Variants in CHST9 observed in about 807,000 individuals in gnomAD.
CHST9 encodes the protein GalNAc-4-sulfotransferase 2.
CHST9 carries 41 observed loss-of-function variants against 44.4 expected under a neutral mutation model. The observed-to-expected ratio is 0.92, with a 90% CI of 0.72 to 1.20. CHST9 has a LOEUF of 1.20. CHST9 is among the 50% of genes most tolerant of loss of function. CHST9 has a pLI of 0.00. For missense variants in CHST9, 504 were observed against 516.5 expected, an observed-to-expected ratio of 0.98 and a Z score of 0.23; for synonymous variants, 171 against 178.4, an observed-to-expected ratio of 0.96 and a Z score of 0.33.
intron 3 of CHST9, among the ~76,000 whole-genome samples, chr18:27,032,945 G>A (rs2057356267): frequency 6.6e-6 from 1 of 152,102 alleles, no homozygotes; most frequent in Admixed American, 6.5e-5. Context: ...CATACCAGAG[G>A]CATATTTAAA....
rs367912739 is a variant in CHST9 at position 27,020,342 on chromosome 18, AG to A, written c.202+3773del. Among the ~76,000 whole-genome samples the A allele has an allele frequency of 1.4e-4, 21 of 152,358 alleles. No individual in the cohort carries two copies. The East Asian group carries it at 3.1e-3, about 22-fold the overall frequency. ...TAGCAGGTTACCACAGTGGACCGAA[AG>A]AAATGTACAGGAAGCAAGGTGCTTG... is the stretch of plus-strand genomic sequence containing the variant. On this transcript the variant is annotated intron_variant, in intron 4 of 5. Coordinates refer to ENST00000618847, the MANE Select transcript of CHST9 (RefSeq NM_031422.6).
intron 4 of CHST9, chr18:26,952,358 G>T (rs2056261322): frequency 2.1e-6 from 1 of 484,940 alleles, no homozygotes. Flanking sequence ...AGGACTCCTG[G>T]GCAATTGGGA....
intron 1 of CHST9, among the ~76,000 whole-genome samples, chr18:27,145,741 C>T (rs1015033286): frequency 1.3e-5 from 2 of 152,144 alleles, no homozygotes; most frequent in African/African-American, 2.4e-5. Flanking sequence ...ATACTTTGCT[C>T]TTATATTGAA....
At chr18:27,062,105 G>A (rs531199013) in intron 2 of CHST9, among the ~76,000 whole-genome samples, 59 of 152,182 alleles carry the variant, frequency 3.9e-4, no homozygotes, top group South Asian at 2.7e-3. Context: ...CTGCTGCAGC[G>A]TTCCTCCTAT....
chr18:27,075,649 G>T (rs543045092), intron 2 of CHST9, among the ~76,000 whole-genome samples: 103 of 152,244 alleles, frequency 6.8e-4, no homozygotes, highest in African/African-American at 2.4e-3. Flanking sequence ...AATCTCATTT[G>T]CCAGCATCAA....
intron 5 of CHST9, chr18:26,935,269 G>GC (rs2055967275): frequency 6.6e-6 from 1 of 152,098 alleles, no homozygotes; most frequent in Admixed American, 6.5e-5. Flanking sequence ...AGTTTATGAG[G>GC]CCATAAGTGG....
rs2056632690 is a variant in CHST9, at chr18:26,977,116, A to G, written c.203-32750T>C. On this transcript the variant is annotated intron_variant, in intron 4 of 5. Transcript: ENST00000618847. ...AAGTTCAGCATGCCTACTCTTTTCT[A>G]TGGTCTTAGATTTCTAAGAAAAATG... Among the ~76,000 whole-genome samples the G allele has an allele frequency of 2.0e-5, 3 of 152,106 alleles. No homozygotes were observed. The South Asian group carries it at 6.2e-4, about 32-fold the overall frequency.
rs1465547170 is a variant in CHST9, at chr18:26,912,719, T to C, written c.*3540A>G. The C allele has an allele frequency of 1.3e-5, 2 of 152,232 alleles. No individual in the cohort carries two copies. The highest frequency in any genetic ancestry group is 2.9e-5 in the Non-Finnish European group (2 of 68,040). The allele number at this position is 152,232 out of a possible 1,614,324, so 9.4% of individuals were successfully genotyped here. A position where few individuals can be genotyped will look rare whatever the true frequency, so the allele number is the denominator to read the frequency against. On this transcript the variant is annotated 3_prime_UTR_variant, in exon 6 of 6. Coordinates refer to ENST00000618847, the MANE Select transcript of CHST9 (RefSeq NM_031422.6). ...GCTATGGAGATTAAATTAATGCATG[T>C]AAACTACTTGAAGAGTGCCTGACAC... is the stretch of plus-strand genomic sequence containing the variant.
At chr18:27,122,604 A>T (rs1325259051) in intron 2 of CHST9, among the ~76,000 whole-genome samples, 1 of 152,206 alleles carries the variant, frequency 6.6e-6, no homozygotes, top group Non-Finnish European at 1.5e-5. Flanking sequence ...TATCCATTCA[A>T]CTTACTAATG....
At chr18:26,921,082 T>C (rs548897046) in intron 5 of CHST9, among the ~76,000 whole-genome samples, 1 of 152,180 alleles carries the variant, frequency 6.6e-6, no homozygotes, top group South Asian at 2.1e-4. Flanking sequence ...AAGGAAAGTA[T>C]AAAAAAAGGC....
In CHST9 at chr18:27,066,035, G is replaced by A. The variant is rs374831766; in HGVS notation, c.122-17532C>T. On this transcript the variant is annotated intron_variant, in intron 2 of 5. Coordinates refer to ENST00000618847, the MANE Select transcript of CHST9 (RefSeq NM_031422.6). ...GAGCTTATTAGCCCCCAGTAAAGGT[G>A]GCATGTAGAGGGCACAGGACCTCAC... Among the ~76,000 whole-genome samples the A allele has an allele frequency of 8.3e-4, 126 of 152,264 alleles. 2 individuals are homozygous for A. The South Asian group carries it at 0.025, about 31-fold the overall frequency.
chr18:27,050,014 T>A (rs1476300410), intron 2 of CHST9, among the ~76,000 whole-genome samples: 1 of 151,996 alleles, frequency 6.6e-6, no homozygotes, highest in African/African-American at 2.4e-5. Context: ...GTTTTAGAAG[T>A]ATGGGGGTTT....
intron 2 of CHST9, among the ~76,000 whole-genome samples, chr18:27,116,693 C>A (rs1217214973): frequency 6.6e-6 from 1 of 152,040 alleles, no homozygotes; most frequent in Non-Finnish European, 1.5e-5. Context: ...AGAGTTATTG[C>A]CATTTTAACA....
intron 4 of CHST9, among the ~76,000 whole-genome samples, chr18:26,966,428 A>C (rs2056465268): frequency 6.6e-6 from 1 of 152,210 alleles, no homozygotes; most frequent in South Asian, 2.1e-4. Context: ...CAAGAATAAT[A>C]ATCTAGATCT....
chr18:27,165,700 G>A (rs2058784409), intron 1 of CHST9, among the ~76,000 whole-genome samples: 1 of 152,114 alleles, frequency 6.6e-6, no homozygotes, highest in Non-Finnish European at 1.5e-5. Context: ...CCAAAATTAT[G>A]AAATGTATCA....
intron 1 of CHST9, among the ~76,000 whole-genome samples, chr18:27,181,078 A>C (rs1271187601): frequency 6.6e-6 from 1 of 152,128 alleles, no homozygotes; most frequent in Non-Finnish European, 1.5e-5. Flanking sequence ...CATTCTCCTT[A>C]CTTCCATAAA....
chr18:26,918,683 T>C (rs1212803890), intron 5 of CHST9, among the ~76,000 whole-genome samples: 3 of 152,144 alleles, frequency 2.0e-5, no homozygotes, highest in Non-Finnish European at 4.4e-5. Context: ...AGTAATTTTC[T>C]AGCAAATTAA....
intron 4 of CHST9, among the ~76,000 whole-genome samples, chr18:26,967,032 G>T (rs1354834128): frequency 1.3e-5 from 2 of 152,086 alleles, no homozygotes; most frequent in African/African-American, 2.4e-5. Context: ...CTTTTTGGGG[G>T]ATGGGTCAAA....
intron 4 of CHST9, among the ~76,000 whole-genome samples, chr18:27,014,453 C>CAAAAAAAAAAAAAAAAAAA (rs57437876): frequency 5.1e-5 from 2 of 39,438 alleles, no homozygotes; most frequent in Admixed American, 4.2e-4. Context: ...GACTCTGTCT[C>CAAAAAAAAAAAAAAAAAAA]AAAAAAAAAA....
Sources: gnomAD v4.1 joint callset for allele counts (sites outside exome capture counted in the v4.1 genomes callset) on GRCh38, gnomAD v4.1.1 for gene constraint, MANE v1.5 for transcripts, NCBI Gene and HGNC (gene_info 2026-07-23, HGNC 2026-07-21) for gene names.